The following IL17B variants were observed in gnomAD, a reference collection of about 807,000 sequenced individuals.
IL17B encodes the protein interleukin-17B.
In IL17B, 14 loss-of-function variants were observed where a neutral mutation model predicts 14.7. The ratio of observed to expected loss-of-function variants is 0.95; its 90% CI spans 0.63 to 1.49. The LOEUF is 1.49. Among genes scored for constraint, IL17B ranks in the 40% most tolerant of loss-of-function variants. The pLI, the probability that IL17B is intolerant of heterozygous loss-of-function variation, is 0.00. For synonymous variants in IL17B, 105 were observed against 94.8 expected, an observed-to-expected ratio of 1.11 and a Z score of -0.62; for missense variants, 233 against 252.8, an observed-to-expected ratio of 0.92 and a Z score of 0.53.
chr5:149,394,424 G>A (rs1759050728), intron 1 of IL17B, among the ~76,000 whole-genome samples: 1 of 152,204 alleles, frequency 6.6e-6, no homozygotes, highest in African/African-American at 2.4e-5. Flanking sequence ...AAATGCACAT[G>A]TACAAAAAGG....
upstream of IL17B, among the ~76,000 whole-genome samples, chr5:149,380,110 A>G (rs554046631): frequency 1.2e-3 from 186 of 152,184 alleles, no homozygotes; most frequent in Non-Finnish European, 2.0e-3. Flanking sequence ...TGTGAGCTTT[A>G]CTGTCAGCCT....
intron 1 of IL17B, among the ~76,000 whole-genome samples, chr5:149,388,430 G>A (rs562316044): frequency 6.6e-6 from 1 of 152,276 alleles, no homozygotes; most frequent in South Asian, 2.1e-4. Flanking sequence ...TTAGACTCAA[G>A]CTCAACAGGA....
At chr5:149,386,242 A>T (rs1758826588) in intron 1 of IL17B, among the ~76,000 whole-genome samples, 1 of 152,170 alleles carries the variant, frequency 6.6e-6, no homozygotes. Flanking sequence ...GACAGCAAGC[A>T]TGTCTTACTC....
chr5:149,383,951 G>T (rs1758764482), upstream of IL17B, among the ~76,000 whole-genome samples: 1 of 152,156 alleles, frequency 6.6e-6, no homozygotes, highest in African/African-American at 2.4e-5. Context: ...TGTGTTTCTG[G>T]GTTGCAAATT....
intron 1 of IL17B, among the ~76,000 whole-genome samples, chr5:149,402,109 G>C (rs941742808): frequency 1.3e-5 from 2 of 152,188 alleles, no homozygotes; most frequent in Non-Finnish European, 2.9e-5. Flanking sequence ...TACACACAGA[G>C]GGTTCCCGTA....
chr5:149,384,232 A>G (rs1014904501), upstream of IL17B, among the ~76,000 whole-genome samples: 1 of 152,170 alleles, frequency 6.6e-6, no homozygotes, highest in Non-Finnish European at 1.5e-5. Context: ...ACTTCAGGCA[A>G]TGGTGGTTGG....
upstream of IL17B, among the ~76,000 whole-genome samples, chr5:149,382,457 C>T (rs1241520083): frequency 6.6e-6 from 1 of 152,242 alleles, no homozygotes; most frequent in Non-Finnish European, 1.5e-5. Context: ...ATAATAGCTG[C>T]TACTTAATAT....
At chr5:149,386,414 G>A (rs77355233) in intron 1 of IL17B, among the ~76,000 whole-genome samples, 206 of 152,214 alleles carry the variant, frequency 1.4e-3, no homozygotes, top group African/African-American at 4.8e-3. Context: ...CCGTAGCCAA[G>A]GCCTCTATCC....
chr5:149,396,514 A>G (rs1759093842), intron 1 of IL17B, among the ~76,000 whole-genome samples: 1 of 152,162 alleles, frequency 6.6e-6, no homozygotes, highest in Admixed American at 6.5e-5. Context: ...TCAGCACTTT[A>G]GGAGGCTGAG....
chr5:149,403,468 A>C (rs1375971087), intron 1 of IL17B, among the ~76,000 whole-genome samples: 1 of 152,186 alleles, frequency 6.6e-6, no homozygotes, highest in African/African-American at 2.4e-5. Context: ...TTCATCACTA[A>C]TTGTCCATAT....
rs1561709025 is a variant in IL17B, at chr5:149,374,898, G to A, written c.312-298C>T. The A allele has an allele frequency of 3.1e-6, 1 of 323,274 alleles. No individual in the cohort carries two copies. The highest frequency in any genetic ancestry group is 5.0e-5 in the East Asian group (1 of 19,874). The allele number at this position is 323,274 out of a possible 1,614,324, so 20.0% of individuals were successfully genotyped here. On this transcript the variant is annotated intron_variant, in intron 2 of 2. Transcript: ENST00000261796. This position sits in a 1 kb window ranked among gnomAD's most constrained non-coding sequence, Gnocchi z 5.0. ...TAGGTTGCGCTGTGGGGATTGTGGAGTAGCCCTCTACCACCTAGGGCCCTC... is the reference window on the plus strand; with the variant it reads ...TAGGTTGCGCTGTGGGGATTGTGGAATAGCCCTCTACCACCTAGGGCCCTC...
In IL17B at chr5:149,374,591, G is replaced by A. The variant is rs773319996; in HGVS notation, c.321C>T (p.His107=). The A allele has an allele frequency of 1.9e-5, 30 of 1,610,670 alleles. No homozygotes were observed. Among genetic ancestry groups the A allele is most frequent in the East Asian group, 2.2e-5 (1 of 44,818 alleles). The change falls in exon 3 of 3, where the codon CAC becomes CAT. Residue 107 remains histidine (H), a synonymous_variant. Coordinates refer to ENST00000261796, the MANE Select transcript of IL17B (RefSeq NM_014443.3). The surrounding 1 kb of genome is among the most constrained non-coding windows in gnomAD (Gnocchi z 5.0). Reference sequence around the variant, plus strand: ...GGTCCACGGGGATACGGCTGGGGTCGTGGTTGATGCTGCAGGGAGCAGAAG... The same window carrying A: ...GGTCCACGGGGATACGGCTGGGGTCATGGTTGATGCTGCAGGGAGCAGAAG... ...SLSPWGYSIN[H]DPSRIPVDLP...
At chr5:149,375,426 A>G (rs1758499663) in intron 2 of IL17B, among the ~76,000 whole-genome samples, 1 of 152,220 alleles carries the variant, frequency 6.6e-6, no homozygotes, top group East Asian at 1.9e-4. Flanking sequence ...AGCTTGCTAG[A>G]AATGCAGAAC....
intron 1 of IL17B, among the ~76,000 whole-genome samples, chr5:149,391,285 A>G (rs892357233): frequency 1.3e-5 from 2 of 152,166 alleles, no homozygotes; most frequent in African/African-American, 4.8e-5. Context: ...GATTTTGAAC[A>G]CAAAGCCTCT....
At chr5:149,379,082 C>T in intron 1 of IL17B, 123 bp downstream of exon 1, 1 of 1,170,270 alleles carries the variant, frequency 8.5e-7, no homozygotes, top group South Asian at 1.3e-5. Context: ...GGGGAGAAGA[C>T]AGAGAAGTTG....
intron 2 of IL17B, 34 bp downstream of exon 2, chr5:149,376,702 C>A: frequency 6.4e-7 from 1 of 1,571,502 alleles, no homozygotes; most frequent in South Asian, 1.2e-5. Context: ...GTCCCCACCC[C>A]CCAAAGACAG....
intron 1 of IL17B, among the ~76,000 whole-genome samples, chr5:149,396,770 A>C (rs928786009): frequency 6.6e-6 from 1 of 152,222 alleles, no homozygotes; most frequent in African/African-American, 2.4e-5. Context: ...CTCAAAAAAA[A>C]TAAAAATAAA....
At chr5:149,403,002 CAAAAA>C (rs36121550) in intron 1 of IL17B, among the ~76,000 whole-genome samples, 1 of 60,580 alleles carries the variant, frequency 1.7e-5, no homozygotes, top group Non-Finnish European at 3.0e-5. Context: ...GACTCCATCT[CAAAAA>C]AAAAAAAAAA....
chr5:149,391,303 G>A (rs563514880), intron 1 of IL17B, among the ~76,000 whole-genome samples: 1 of 152,248 alleles, frequency 6.6e-6, no homozygotes, highest in Admixed American at 6.5e-5. Flanking sequence ...TCTTAACTCT[G>A]GGTGGGATGG....
Sources: gnomAD v4.1 joint callset for allele counts (sites outside exome capture counted in the v4.1 genomes callset) on GRCh38, gnomAD v4.1.1 for gene constraint, Gnocchi (gnomAD v3.1) non-coding constraint, MANE v1.5 for transcripts, NCBI Gene and HGNC (gene_info 2026-07-23, HGNC 2026-07-21) for gene names.